Variants in RELN observed in about 807,000 individuals in gnomAD.
RELN encodes the protein reelin.
In RELN, 108 loss-of-function variants were observed where a neutral mutation model predicts 427.6. That is an observed-to-expected ratio of 0.25 (90% confidence interval 0.22 to 0.30). The LOEUF is 0.30. Ranked by LOEUF, RELN falls within the 10% of genes least tolerant of loss-of-function variation. RELN has a pLI of 1.00. For missense variants in RELN, 3,715 were observed against 4,302.8 expected, an observed-to-expected ratio of 0.86 and a Z score of 3.82; for synonymous variants, 1,524 against 1,513.4, an observed-to-expected ratio of 1.01 and a Z score of -0.16.
At chr7:103,882,707 C>G (rs1360581866) in intron 2 of RELN, among the ~76,000 whole-genome samples, 1 of 152,126 alleles carries the variant, frequency 6.6e-6, no homozygotes, top group Non-Finnish European at 1.5e-5. Context: ...TGGATAAATT[C>G]CTGGACACAT....
chr7:103,952,838 G>A (rs1396637655), intron 1 of RELN, among the ~76,000 whole-genome samples: 27 of 152,086 alleles, frequency 1.8e-4, no homozygotes, highest in Admixed American at 1.8e-3. Context: ...CACTCACAGA[G>A]GATGAAAAAA....
intron 6 of RELN, among the ~76,000 whole-genome samples, chr7:103,743,328 T>G (rs555110009): frequency 4.6e-5 from 7 of 152,100 alleles, no homozygotes; most frequent in Non-Finnish European, 1.0e-4. Context: ...GTAAAGAACA[T>G]CAAGGCTAGG....
In RELN at chr7:103,648,517, C is replaced by G. The variant is rs567662183; in HGVS notation, c.2002+1757G>C. On this transcript the variant is annotated intron_variant, in intron 16 of 64. Coordinates refer to ENST00000428762, the MANE Select transcript of RELN (RefSeq NM_005045.4). ...AAAATCTAGGAAAAACTCCTGAACA[C>G]TTGCCTAGGCAAAGAATTAATGACT... Among the ~76,000 whole-genome samples, 11 of 152,116 alleles carry G rather than the reference C, an allele frequency of 7.2e-5. No individual in the cohort carries two copies. In the South Asian group the frequency reaches 2.3e-3, roughly 32 times the overall value.
chr7:103,552,475 T>C (rs1478363173), intron 40 of RELN, among the ~76,000 whole-genome samples: 1 of 151,580 alleles, frequency 6.6e-6, no homozygotes, highest in Non-Finnish European at 1.5e-5. Flanking sequence ...AACTTTCGAA[T>C]ATAGGCACTT....
At chr7:103,622,847 C>T (rs982714227) in intron 20 of RELN, among the ~76,000 whole-genome samples, 2 of 152,170 alleles carry the variant, frequency 1.3e-5, no homozygotes, top group Admixed American at 6.5e-5. Flanking sequence ...TGTTATTTCC[C>T]TCTAGAAGTA....
At chr7:103,547,552 C>A (rs908742978) in intron 41 of RELN, among the ~76,000 whole-genome samples, 48 of 152,326 alleles carry the variant, frequency 3.2e-4, no homozygotes, top group African/African-American at 1.1e-3. Flanking sequence ...CCACCTTGGC[C>A]TCTCAAAGTG....
At chr7:103,791,881 TA>T (rs1396515141) in intron 3 of RELN, among the ~76,000 whole-genome samples, 1 of 151,914 alleles carries the variant, frequency 6.6e-6, no homozygotes, top group Admixed American at 6.6e-5. Flanking sequence ...TACAACTCAA[TA>T]AAAAATAAGT....
intron 1 of RELN, among the ~76,000 whole-genome samples, chr7:103,945,875 C>A (rs1453123031): frequency 6.6e-6 from 1 of 152,104 alleles, no homozygotes; most frequent in East Asian, 1.9e-4. Flanking sequence ...ATATTCTGTG[C>A]AGGTTTTAGC....
rs571979591 is a variant in RELN at position 103,859,099 on chromosome 7, G to A, written c.338-25427C>T. The stretch of plus-strand genomic sequence containing the variant: ...GAAGTGGTAAAAATAAACAGGTCAG[G>A]TGACTGGGGAGAAAGAAGTAGAGAA... On this transcript the variant is annotated intron_variant, in intron 2 of 64. Transcript: ENST00000428762. 2.0e-5 allele frequency among the ~76,000 whole-genome samples: 3 copies of A among 152,234 alleles called. No individual in the cohort carries two copies. In the South Asian group the frequency reaches 6.2e-4, roughly 32 times the overall value.
At chr7:103,669,204 G>C (rs919447093) in intron 11 of RELN, among the ~76,000 whole-genome samples, 1 of 152,202 alleles carries the variant, frequency 6.6e-6, no homozygotes, top group Admixed American at 6.5e-5. Context: ...ACTTCCTTTA[G>C]AAATCCAAAT....
At chr7:103,801,497 G>A (rs571024082) in intron 3 of RELN, among the ~76,000 whole-genome samples, 2 of 151,412 alleles carry the variant, frequency 1.3e-5, no homozygotes, top group African/African-American at 4.8e-5. Context: ...ACTAAACACT[G>A]CATGTTCTCA....
At chr7:103,888,902 C>A (rs1794783356) in intron 2 of RELN, among the ~76,000 whole-genome samples, 1 of 152,118 alleles carries the variant, frequency 6.6e-6, no homozygotes, top group Admixed American at 6.5e-5. Flanking sequence ...TCCTGCTGAC[C>A]CACACTTATC....
intron 63 of RELN, among the ~76,000 whole-genome samples, chr7:103,478,706 AACT>A (rs1218682922): frequency 5.3e-5 from 8 of 152,310 alleles, no homozygotes; most frequent in East Asian, 3.9e-4. Flanking sequence ...ATAGCTTAAT[AACT>A]ACTAATTTTA....
At chr7:103,588,596 G>A (rs1336333860) in intron 28 of RELN, among the ~76,000 whole-genome samples, 2 of 152,116 alleles carry the variant, frequency 1.3e-5, no homozygotes, top group African/African-American at 4.8e-5. Flanking sequence ...CATGTACTCT[G>A]ACAAATAAGA....
chr7:103,786,867 A>G (rs1792031606), intron 3 of RELN, among the ~76,000 whole-genome samples: 1 of 152,192 alleles, frequency 6.6e-6, no homozygotes, highest in South Asian at 2.1e-4. Flanking sequence ...AGACATCTAC[A>G]GAACTCTCCA....
At chr7:103,670,173 T>C (rs886076492) in intron 11 of RELN, among the ~76,000 whole-genome samples, 4 of 152,308 alleles carry the variant, frequency 2.6e-5, no homozygotes, top group African/African-American at 9.6e-5. Context: ...ATTAATTATA[T>C]TTTAACCAGC....
chr7:103,919,089 T>C (rs986124279), intron 1 of RELN, among the ~76,000 whole-genome samples: 4 of 151,936 alleles, frequency 2.6e-5, no homozygotes, highest in African/African-American at 9.7e-5. Context: ...TTTCCTCGTT[T>C]AAGCAGATGT....
At chr7:103,757,817 C>G (rs1791199558) in intron 4 of RELN, among the ~76,000 whole-genome samples, 1 of 151,994 alleles carries the variant, frequency 6.6e-6, no homozygotes, top group Non-Finnish European at 1.5e-5. Flanking sequence ...TGTTCTGTAC[C>G]CAGAGAGATC....
intron 1 of RELN, among the ~76,000 whole-genome samples, chr7:103,965,461 T>C (rs1237381765): frequency 6.6e-6 from 1 of 152,158 alleles, no homozygotes; most frequent in East Asian, 1.9e-4. Flanking sequence ...ATAAATAAAA[T>C]GGAATATTAT....
Sources: gnomAD v4.1 joint callset for allele counts (sites outside exome capture counted in the v4.1 genomes callset) on GRCh38, gnomAD v4.1.1 for gene constraint, MANE v1.5 for transcripts, NCBI Gene and HGNC (gene_info 2026-07-23, HGNC 2026-07-21) for gene names.